Variants in AKAP19 observed in about 807,000 individuals in gnomAD.
The protein encoded by AKAP19 is small A-kinase anchoring protein.
At chr2:190,153,442 T>C in the AKAP19 span, among the ~76,000 whole-genome samples, 2 of 152,194 alleles carry the variant, frequency 1.3e-5, no homozygotes. Context: ...TGTTAACTAG[T>C]AGTGGTGATT....
the AKAP19 span, among the ~76,000 whole-genome samples, chr2:189,990,096 T>C: frequency 6.6e-6 from 1 of 152,222 alleles, no homozygotes; most frequent in African/African-American, 2.4e-5. Flanking sequence ...GTTTACTTTT[T>C]CCTTTGCAAT....
At chr2:189,880,258 T>G in the AKAP19 span, among the ~76,000 whole-genome samples, 1 of 152,154 alleles carries the variant, frequency 6.6e-6, no homozygotes, top group African/African-American at 2.4e-5. Context: ...TTTTTGGTGG[T>G]TTTTTTGAGG....
At chr2:189,957,498 ATTAG>A in the AKAP19 span, among the ~76,000 whole-genome samples, 30 of 152,198 alleles carry the variant, frequency 2.0e-4, no homozygotes, top group African/African-American at 4.8e-4. Context: ...AAACTAATTT[ATTAG>A]TTAGTCAGCT....
the AKAP19 span, among the ~76,000 whole-genome samples, chr2:189,998,214 G>A: frequency 2.6e-5 from 4 of 152,064 alleles, no homozygotes; most frequent in Non-Finnish European, 4.4e-5. Flanking sequence ...AGTTTTCCTG[G>A]TATGTTCCTG....
the AKAP19 span, among the ~76,000 whole-genome samples, chr2:189,973,905 T>C: frequency 2.6e-5 from 4 of 152,184 alleles, no homozygotes; most frequent in African/African-American, 7.2e-5. Flanking sequence ...AGTCTATCAA[T>C]TTTGTTGATC....
At chr2:189,935,365 A>G in the AKAP19 span, among the ~76,000 whole-genome samples, 1 of 152,016 alleles carries the variant, frequency 6.6e-6, no homozygotes, top group Non-Finnish European at 1.5e-5. Flanking sequence ...AGAAGTTGCT[A>G]TTTTCAAGCT....
the AKAP19 span, among the ~76,000 whole-genome samples, chr2:189,909,925 T>C: frequency 1.3e-5 from 2 of 151,338 alleles, no homozygotes; most frequent in Non-Finnish European, 2.9e-5. Flanking sequence ...TATCAAGGTG[T>C]TTTTTTTCAA....
chr2:189,923,571 T>A, the AKAP19 span: 1 of 1,613,846 alleles, frequency 6.2e-7, no homozygotes, highest in Non-Finnish European at 8.5e-7. Context: ...GCTGGCCAGG[T>A]TTTAGATATT....
the AKAP19 span, among the ~76,000 whole-genome samples, chr2:190,061,592 A>G: frequency 2.0e-5 from 3 of 152,034 alleles, no homozygotes; most frequent in African/African-American, 7.2e-5. Flanking sequence ...TTTCTTAGGC[A>G]TTTTCTAATA....
chr2:190,181,069 C>G, the AKAP19 span: 1 of 985,600 alleles, frequency 1.0e-6, no homozygotes, highest in East Asian at 1.1e-4. Context: ...CACGGCTGTC[C>G]GGACGTGCCA....
chr2:189,913,114 T>C, the AKAP19 span, among the ~76,000 whole-genome samples: 1 of 152,152 alleles, frequency 6.6e-6, no homozygotes, highest in East Asian at 1.9e-4. Context: ...AATATAGATA[T>C]AGTCTCAATG....
chr2:190,023,531 T>C, the AKAP19 span, among the ~76,000 whole-genome samples: 2 of 152,196 alleles, frequency 1.3e-5, no homozygotes, highest in South Asian at 4.1e-4. Flanking sequence ...CTCTAAGAGA[T>C]ATTTTGGTGG....
At chr2:190,166,882 C>CA in the AKAP19 span, among the ~76,000 whole-genome samples, 6 of 144,152 alleles carry the variant, frequency 4.2e-5, no homozygotes, top group Non-Finnish European at 9.1e-5. Context: ...TTATAGCCAG[C>CA]AAAAAAAGAA....
chr2:190,107,893 G>A, the AKAP19 span, among the ~76,000 whole-genome samples: 1 of 152,184 alleles, frequency 6.6e-6, no homozygotes, highest in Non-Finnish European at 1.5e-5. Context: ...CTTCCTTGAA[G>A]CATCCAATGC....
At chr2:189,962,318 C>T in the AKAP19 span, among the ~76,000 whole-genome samples, 2 of 152,138 alleles carry the variant, frequency 1.3e-5, no homozygotes, top group Admixed American at 1.3e-4. Flanking sequence ...CGTAAGTATA[C>T]TCTATGATGT....
At chr2:190,158,866 T>C in the AKAP19 span, among the ~76,000 whole-genome samples, 1 of 152,220 alleles carries the variant, frequency 6.6e-6, no homozygotes, top group Non-Finnish European at 1.5e-5. Flanking sequence ...GGAGAATTTC[T>C]GTTGCTATCC....
the AKAP19 span, among the ~76,000 whole-genome samples, chr2:190,116,771 C>T: frequency 6.6e-6 from 1 of 152,156 alleles, no homozygotes. Flanking sequence ...TCCCATCTGG[C>T]CCAGAACTGG....
the AKAP19 span, among the ~76,000 whole-genome samples, chr2:190,188,232 G>C: frequency 6.6e-6 from 1 of 152,198 alleles, no homozygotes; most frequent in Non-Finnish European, 1.5e-5. Flanking sequence ...ACACATAGTA[G>C]ACACTCAATA....
the AKAP19 span, among the ~76,000 whole-genome samples, chr2:190,110,939 A>C: frequency 4.6e-5 from 7 of 152,230 alleles, no homozygotes; most frequent in Non-Finnish European, 1.0e-4. Flanking sequence ...ACTGTGCCCC[A>C]GGTGCTAATC....
Sources: allele counts gnomAD v4.1 joint callset (sites outside exome capture counted in the v4.1 genomes callset), GRCh38; gene constraint gnomAD v4.1.1; transcripts MANE v1.5; gene names NCBI Gene and HGNC (gene_info 2026-07-23, HGNC 2026-07-21).